Variants in TTLL7 observed in about 807,000 individuals in gnomAD.
TTLL7 encodes the protein tubulin polyglutamylase TTLL7.
In TTLL7, 53 loss-of-function variants were observed where a neutral mutation model predicts 120.2. The observed-to-expected ratio is 0.44, with a 90% CI of 0.35 to 0.55. The LOEUF (loss-of-function observed/expected upper bound fraction) is 0.55. Among genes scored for constraint, TTLL7 ranks in the 20% least tolerant of loss-of-function variants. TTLL7 has a pLI of 0.00. For missense variants in TTLL7, 803 were observed against 1,054.7 expected (o/e 0.76, Z 3.31); for synonymous variants, 353 against 351.7 (o/e 1.00, Z -0.04).
chr1:83,935,774 A>G (rs1005501009), intron 8 of TTLL7, among the ~76,000 whole-genome samples: 1 of 152,166 alleles, frequency 6.6e-6, no homozygotes, highest in African/African-American at 2.4e-5. Flanking sequence ...AATTTACTGC[A>G]TAATTGCTTT....
chr1:83,987,992 GC>G (rs1245909455), intron 1 of TTLL7, among the ~76,000 whole-genome samples: 1 of 152,184 alleles, frequency 6.6e-6, no homozygotes, highest in Non-Finnish European at 1.5e-5. Context: ...CAGGTAGTGA[GC>G]ATAGTACCCA....
chr1:83,973,580 G>C (rs1651191718), intron 1 of TTLL7, among the ~76,000 whole-genome samples: 2 of 151,882 alleles, frequency 1.3e-5, no homozygotes, highest in South Asian at 4.1e-4. Flanking sequence ...AAAAATTTTA[G>C]AATCAGTTTG....
intron 14 of TTLL7, 37 bp from the exon 15 acceptor site, chr1:83,911,400 C>A: frequency 2.0e-6 from 3 of 1,517,774 alleles, no homozygotes; most frequent in South Asian, 1.2e-5. Flanking sequence ...TGTTAGAATT[C>A]TTAAAAAAGG....
intron 7 of TTLL7, among the ~76,000 whole-genome samples, 177 bp downstream of exon 7, chr1:83,942,286 T>C (rs1478540532): frequency 1.3e-5 from 2 of 152,234 alleles, no homozygotes; most frequent in Non-Finnish European, 2.9e-5. Context: ...TATTTTCTAA[T>C]GTCCACAAAG....
chr1:83,915,862 T>C (rs1658111283), intron 14 of TTLL7, among the ~76,000 whole-genome samples: 1 of 152,148 alleles, frequency 6.6e-6, no homozygotes, highest in Non-Finnish European at 1.5e-5. Context: ...AAAGAAGACA[T>C]TTATGCAGTC....
At chr1:83,897,865 TA>T (rs58157608) in intron 18 of TTLL7, among the ~76,000 whole-genome samples, 13,118 of 127,294 alleles carry the variant, frequency 0.1, 640 homozygotes, top group Middle Eastern at 0.16. Flanking sequence ...TGTTTTCCAT[TA>T]AAAAAAAAAA....
chr1:83,937,497 C>G (rs1647519502), intron 8 of TTLL7, among the ~76,000 whole-genome samples: 1 of 152,146 alleles, frequency 6.6e-6, no homozygotes. Context: ...GCCACTGTGC[C>G]CGGCCTAGTA....
chr1:83,975,027 A>T (rs1352123148), intron 1 of TTLL7, among the ~76,000 whole-genome samples: 3 of 152,076 alleles, frequency 2.0e-5, no homozygotes, highest in Admixed American at 6.6e-5. Flanking sequence ...CAGAATAACA[A>T]GGCACACATT....
At chr1:83,952,500 A>G in intron 1 of TTLL7, 113 bp from the exon 2 acceptor site, 1 of 318,734 alleles carries the variant, frequency 3.1e-6, no homozygotes, top group South Asian at 9.3e-5. Flanking sequence ...TGTTCAATCA[A>G]CAAATAATTG....
intron 10 of TTLL7, among the ~76,000 whole-genome samples, chr1:83,927,230 T>A (rs1659209947): frequency 6.6e-6 from 1 of 152,124 alleles, no homozygotes; most frequent in African/African-American, 2.4e-5. Flanking sequence ...CTGTGAAGCA[T>A]GTAAAAGTAT....
intron 1 of TTLL7, among the ~76,000 whole-genome samples, chr1:83,963,801 A>G (rs1650218689): frequency 6.6e-6 from 1 of 152,154 alleles, no homozygotes; most frequent in Admixed American, 6.6e-5. Context: ...AAATAATAAA[A>G]CTGCAATTGT....
In TTLL7 at chr1:83,906,386, G is replaced by A. The variant is rs1489717839; in HGVS notation, c.2070C>T (p.Asp690=). ...ACTTTCCTGGAAACCGGATCTTCATGTCTTTGAGAACAAATAAGGTCTGAC... is the reference window on the plus strand; with the variant it reads ...ACTTTCCTGGAAACCGGATCTTCATATCTTTGAGAACAAATAAGGTCTGAC... ...LTSQTLFVLK[D]MKIRFPGKSD... is the part of the protein sequence containing the mutation. Residue 690 remains aspartate, a synonymous_variant, in exon 17 of 21, where the codon GAC becomes GAT. Transcript: ENST00000260505. The A allele has an allele frequency of 6.2e-7, 1 of 1,612,446 alleles. No individual in the cohort carries two copies. Among genetic ancestry groups the A allele is most frequent in the South Asian group, 1.1e-5 (1 of 90,984 alleles).
At chr1:83,924,344 T>A (rs1438476292) in intron 10 of TTLL7, among the ~76,000 whole-genome samples, 2 of 152,172 alleles carry the variant, frequency 1.3e-5, no homozygotes, top group African/African-American at 2.4e-5. Context: ...GCCGACAAAA[T>A]ATGTGGTATT....
At chr1:83,997,163 G>GA (rs1278278417) in intron 1 of TTLL7, among the ~76,000 whole-genome samples, 3 of 152,052 alleles carry the variant, frequency 2.0e-5, no homozygotes, top group Non-Finnish European at 4.4e-5. Context: ...ACTTGAAAAA[G>GA]AATTCTCCAA....
chr1:83,870,697 G>A (rs1047744427), intron 20 of TTLL7, among the ~76,000 whole-genome samples: 3 of 151,892 alleles, frequency 2.0e-5, no homozygotes, highest in Admixed American at 1.3e-4. Context: ...GGTCATCTGA[G>A]GTTGGGAGTT....
chr1:83,965,224 T>G (rs546436544), intron 1 of TTLL7, among the ~76,000 whole-genome samples: 1 of 152,194 alleles, frequency 6.6e-6, no homozygotes, highest in African/African-American at 2.4e-5. Flanking sequence ...CATCTCAAAT[T>G]TTAATCCCCA....
chr1:83,998,615 T>C (rs1653702510), intron 1 of TTLL7, among the ~76,000 whole-genome samples: 1 of 152,198 alleles, frequency 6.6e-6, no homozygotes, highest in Non-Finnish European at 1.5e-5. Context: ...GGGAGCCTCC[T>C]CGTTCACCCA....
intron 18 of TTLL7, among the ~76,000 whole-genome samples, chr1:83,893,177 C>G (rs531034410): frequency 6.6e-6 from 1 of 151,762 alleles, no homozygotes; most frequent in South Asian, 2.1e-4. Context: ...CTTAAAAACA[C>G]TAAATAATAC....
At chr1:83,892,445 TGA>T (rs1249309917) in intron 18 of TTLL7, among the ~76,000 whole-genome samples, 20 of 128,582 alleles carry the variant, frequency 1.6e-4, no homozygotes, top group South Asian at 2.4e-4. Context: ...TATGAACATA[TGA>T]ATGAACATAT....
Sources: gnomAD v4.1 joint callset for allele counts (sites outside exome capture counted in the v4.1 genomes callset) on GRCh38, gnomAD v4.1.1 for gene constraint, MANE v1.5 for transcripts, NCBI Gene and HGNC (gene_info 2026-07-23, HGNC 2026-07-21) for gene names.